TMEM117: variants seen among roughly 807,000 people sequenced by gnomAD.
TMEM117 encodes the protein transmembrane protein 117.
A neutral mutation model predicts 52.4 loss-of-function variants in TMEM117; 27 were observed. The ratio of observed to expected loss-of-function variants is 0.51; its 90% CI spans 0.38 to 0.71. The LOEUF (loss-of-function observed/expected upper bound fraction) is 0.71. TMEM117 is among the 30% of genes least tolerant of loss of function. The pLI is 0.00. For synonymous variants in TMEM117, 215 were observed against 206.3 expected (o/e 1.04, Z -0.36); for missense variants, 556 against 630.5 (o/e 0.88, Z 1.26).
At chr12:43,822,190 C>A in the TMEM117 span, among the ~76,000 whole-genome samples, 1 of 152,182 alleles carries the variant, frequency 6.6e-6, no homozygotes, top group Non-Finnish European at 1.5e-5. Context: ...GACTTCAATG[C>A]GAGATTGGCT....
At position 43,954,592 on chromosome 12, in the gene TMEM117, A is replaced by C. The variant is rs184297088; in HGVS notation, c.410+10250A>C. Among the ~76,000 whole-genome samples the C allele has an allele frequency of 2.3e-4, 35 of 152,278 alleles. 1 individual carries two copies. The highest frequency in any genetic ancestry group is 8.2e-4 in the African/African-American group (34 of 41,576). On this transcript the variant is annotated intron_variant, in intron 3 of 7. Coordinates refer to ENST00000266534, the MANE Select transcript of TMEM117 (RefSeq NM_032256.3). Reference sequence around the variant, plus strand: ...GACCCATAAACCCTCCTAAGACTGAACCCAGAAGAAGTTGAATCCCTGAAT... The same window carrying C: ...GACCCATAAACCCTCCTAAGACTGACCCCAGAAGAAGTTGAATCCCTGAAT...
chr12:43,800,511 TACA>T, the TMEM117 span: 14 of 1,613,738 alleles, frequency 8.7e-6, no homozygotes, highest in East Asian at 2.2e-5. Context: ...TGTTGCTGCA[TACA>T]ACATTTTTTG....
At chr12:43,968,434 A>C (rs1945520904) in intron 3 of TMEM117, among the ~76,000 whole-genome samples, 1 of 152,242 alleles carries the variant, frequency 6.6e-6, no homozygotes, top group African/African-American at 2.4e-5. Flanking sequence ...GTGTCATGAC[A>C]AAGGAGTTCA....
chr12:44,174,529 T>C (rs1324191280), intron 4 of TMEM117, among the ~76,000 whole-genome samples: 1 of 152,202 alleles, frequency 6.6e-6, no homozygotes, highest in Non-Finnish European at 1.5e-5. Context: ...ATTTTATCAA[T>C]TATATTTGTT....
chr12:43,892,956 T>C (rs1272276413), intron 2 of TMEM117, among the ~76,000 whole-genome samples: 1 of 152,152 alleles, frequency 6.6e-6, no homozygotes, highest in Non-Finnish European at 1.5e-5. Context: ...TAAGGGAATG[T>C]CTAGGCAGAA....
chr12:44,239,700 A>C (rs1950039055), intron 5 of TMEM117, among the ~76,000 whole-genome samples: 1 of 152,122 alleles, frequency 6.6e-6, no homozygotes, highest in African/African-American at 2.4e-5. Context: ...TTCTATCAAC[A>C]GTTGTCAATG....
chr12:44,385,909 C>A (rs78016617), intron 7 of TMEM117, among the ~76,000 whole-genome samples: 8,559 of 152,146 alleles, frequency 0.056, 258 homozygotes, highest in African/African-American at 0.076. Context: ...CCCTCAGCCT[C>A]TTTCTTCCAT....
the TMEM117 span, among the ~76,000 whole-genome samples, chr12:43,814,360 CTCTT>C: frequency 1.3e-5 from 2 of 152,032 alleles, no homozygotes; most frequent in Non-Finnish European, 1.5e-5. Flanking sequence ...CTTTGCTGGG[CTCTT>C]TCTTTCTATT....
At chr12:44,063,597 C>G (rs973318868) in intron 3 of TMEM117, among the ~76,000 whole-genome samples, 1 of 151,694 alleles carries the variant, frequency 6.6e-6, no homozygotes, top group Non-Finnish European at 1.5e-5. Context: ...AGGTATATCT[C>G]CTAATGCTAT....
In TMEM117 at chr12:43,882,093, AAAC is replaced by A. The variant is rs141701758; in HGVS notation, c.277+37180_277+37182del. On this transcript the variant is annotated intron_variant, in intron 2 of 7. Coordinates refer to ENST00000266534, the MANE Select transcript of TMEM117 (RefSeq NM_032256.3). Reference sequence around the variant, plus strand: ...TCTCAAAAAAAACAAACAAACTAAAAAACAACAACAACAACAAAGACTTTAAAA... The same window carrying A: ...TCTCAAAAAAAACAAACAAACTAAAAAACAACAACAACAAAGACTTTAAAA... 6.0e-3 allele frequency among the ~76,000 whole-genome samples: 906 copies of A among 152,152 alleles called. 10 individuals carry two copies. The highest frequency in any genetic ancestry group is 0.02 in the African/African-American group (821 of 41,496).
Position 44,023,338 on chromosome 12 carries a change from C to T in TMEM117, c.410+78996C>T, listed in dbSNP as rs374983345. On this transcript the variant is annotated intron_variant, in intron 3 of 7. Coordinates refer to ENST00000266534, the MANE Select transcript of TMEM117 (RefSeq NM_032256.3). The stretch of plus-strand genomic sequence containing the variant: ...GATTTATAATCCTCTGGGTATATAC[C>T]CAGTAATGGGATGGCTGGGTCAAAT... Among the ~76,000 whole-genome samples the T allele has an allele frequency of 4.1e-4, 63 of 152,162 alleles. No individual in the cohort carries two copies. The South Asian group carries it at 0.013, about 31-fold the overall frequency.
chr12:44,226,688 G>T (rs2138440079), intron 5 of TMEM117, among the ~76,000 whole-genome samples: 1 of 152,154 alleles, frequency 6.6e-6, no homozygotes, highest in South Asian at 2.1e-4. Context: ...GATATGACTG[G>T]TGTCCGTATA....
At chr12:44,001,719 G>A (rs1024498216) in intron 3 of TMEM117, among the ~76,000 whole-genome samples, 10 of 152,032 alleles carry the variant, frequency 6.6e-5, no homozygotes, top group African/African-American at 1.9e-4. Flanking sequence ...ATCATCCAGG[G>A]CAAGGCGAAG....
chr12:44,114,202 C>T (rs1341563595), intron 3 of TMEM117, among the ~76,000 whole-genome samples: 1 of 152,174 alleles, frequency 6.6e-6, no homozygotes, highest in East Asian at 1.9e-4. Flanking sequence ...TAGACCGGAG[C>T]TGTTCCTATT....
At chr12:43,948,126 C>A (rs1215135687) in intron 3 of TMEM117, among the ~76,000 whole-genome samples, 1 of 151,860 alleles carries the variant, frequency 6.6e-6, no homozygotes, top group East Asian at 1.9e-4. Flanking sequence ...TCTGGGGAGC[C>A]AAGCTGAAAG....
At chr12:44,202,793 C>CACTTT (rs60018269) in intron 4 of TMEM117, among the ~76,000 whole-genome samples, 1 of 142,868 alleles carries the variant, frequency 7.0e-6, no homozygotes, top group African/African-American at 2.5e-5. Context: ...GAAGTGGTAG[C>CACTTT]TTTTTTTTTT....
chr12:44,219,565 G>A (rs893358372), intron 5 of TMEM117, among the ~76,000 whole-genome samples: 1 of 152,056 alleles, frequency 6.6e-6, no homozygotes, highest in African/African-American at 2.4e-5. Context: ...TAAAAAGCCA[G>A]TTGCTGTTAT....
chr12:44,340,850 T>A (rs1383641529), intron 6 of TMEM117, among the ~76,000 whole-genome samples: 1 of 152,112 alleles, frequency 6.6e-6, no homozygotes, highest in Non-Finnish European at 1.5e-5. Flanking sequence ...TCCTGCTACA[T>A]GCATAGTGCA....
At position 44,088,473 on chromosome 12, in the gene TMEM117, G is replaced by A. The variant is rs567448540; in HGVS notation, c.411-55052G>A. On this transcript the variant is annotated intron_variant, in intron 3 of 7. Coordinates refer to ENST00000266534, the MANE Select transcript of TMEM117 (RefSeq NM_032256.3). ...GAGCTTGTGATTTTTCCATTATATT[G>A]TATTTCCTCTTAAAAAATTTCCATA... Among the ~76,000 whole-genome samples, 11 of 152,206 alleles carry A rather than the reference G, an allele frequency of 7.2e-5. No individual in the cohort carries two copies. The East Asian group carries it at 2.1e-3, about 29-fold the overall frequency.
Sources: allele counts gnomAD v4.1 joint callset (sites outside exome capture counted in the v4.1 genomes callset), GRCh38; gene constraint gnomAD v4.1.1; transcripts MANE v1.5; gene names NCBI Gene and HGNC (gene_info 2026-07-23, HGNC 2026-07-21).